Variants in ZNF536 observed in about 807,000 individuals in gnomAD.
The protein encoded by ZNF536 is zinc finger protein 536.
In ZNF536, 13 loss-of-function variants were observed where a neutral mutation model predicts 84.5. The ratio of observed to expected loss-of-function variants is 0.15; its 90% confidence interval spans 0.10 to 0.24. The LOEUF (loss-of-function observed/expected upper bound fraction) is 0.24, where lower values mean the gene tolerates loss of function less well. Ranked by LOEUF, ZNF536 falls within the 10% of genes least tolerant of loss-of-function variation. The pLI, the probability that ZNF536 is intolerant of heterozygous loss-of-function variation, is 1.00. For missense variants in ZNF536, 1,536 were observed against 1,747.5 expected (o/e 0.88, Z 2.16); for synonymous variants, 811 against 742.5 (o/e 1.09, Z -1.50).
intron 1 of ZNF536, among the ~76,000 whole-genome samples, chr19:30,388,732 C>A (rs1466984780): frequency 6.6e-6 from 1 of 152,188 alleles, no homozygotes; most frequent in East Asian, 1.9e-4. Context: ...GAAACAAATG[C>A]TATGATTTTC....
At chr19:30,704,864 AG>A (rs1402312865) in intron 1 of ZNF536, among the ~76,000 whole-genome samples, 1 of 150,370 alleles carries the variant, frequency 6.7e-6, no homozygotes, top group Admixed American at 6.6e-5. Flanking sequence ...TGCCTTCAGG[AG>A]GGTCTCTGCT....
chr19:30,255,358 A>G (rs575425909), intron 1 of ZNF536, among the ~76,000 whole-genome samples: 1 of 152,318 alleles, frequency 6.6e-6, no homozygotes, highest in South Asian at 2.1e-4. Flanking sequence ...CTGATGAGCT[A>G]GGATTTCATG....
intron 1 of ZNF536, among the ~76,000 whole-genome samples, chr19:30,600,538 C>G (rs894571024): frequency 6.6e-6 from 1 of 152,194 alleles, no homozygotes; most frequent in Non-Finnish European, 1.5e-5. Flanking sequence ...CCAGGCACTT[C>G]CTCACATCCA....
At chr19:30,273,502 C>A (rs1323105140) in intron 1 of ZNF536, among the ~76,000 whole-genome samples, 2 of 152,156 alleles carry the variant, frequency 1.3e-5, no homozygotes, top group Non-Finnish European at 2.9e-5. Context: ...TGTTGAGTAT[C>A]TTTTCATATG....
At chr19:30,242,027 T>TA (rs1009255866) in intron 1 of ZNF536, among the ~76,000 whole-genome samples, 2 of 151,950 alleles carry the variant, frequency 1.3e-5, no homozygotes, top group Non-Finnish European at 2.9e-5. Flanking sequence ...AGGGGACATC[T>TA]AGTTGGGGCT....
In ZNF536 at chr19:30,339,986, T is replaced by C. The variant is rs562695842; in HGVS notation, c.-119-12382T>C. 1.3e-5 allele frequency among the ~76,000 whole-genome samples: 2 copies of C among 152,218 alleles called. 1 individual carries two copies. The highest frequency in any genetic ancestry group is 4.1e-4 in the South Asian group (2 of 4,822). On this transcript the variant is annotated intron_variant, in intron 2 of 5. Coordinates refer to the ZNF536 transcript ENST00000585628. The stretch of plus-strand genomic sequence containing the variant: ...CCTCAAGGAGGACCAGTGGGCACTC[T>C]TCATCCTAGGGAAGGCAGGTGGACT...
intron 3 of ZNF536, among the ~76,000 whole-genome samples, chr19:30,366,604 C>A (rs925658269): frequency 1.3e-5 from 2 of 151,930 alleles, no homozygotes; most frequent in African/African-American, 4.8e-5. Context: ...ATCTATCTAT[C>A]TATCTATCTA....
rs936624416 is a variant in ZNF536 at position 30,548,257 on chromosome 19, G to C, written c.2638G>C (p.Val880Leu). The C allele has an allele frequency of 6.2e-7, 1 of 1,614,204 alleles. No homozygotes were observed. The highest frequency in any genetic ancestry group is 2.2e-5 in the East Asian group (1 of 44,886). ...SGQATGMSSE[V>L]PSDALKGTDL... ...GCAGGCCACGGGCATGTCTTCGGAG[G>C]TCCCCTCAGATGCTCTGAAAGGCAC... The change falls in exon 4 of 5, where the codon GTC becomes CTC. Residue 880 changes from valine (V) to leucine (L), a missense_variant. Physicochemically the swap from Val to Leu is conservative, Grantham distance 32 (BLOSUM62 1). Coordinates refer to ENST00000355537, the MANE Select transcript of ZNF536 (RefSeq NM_014717.3).
chr19:30,569,915 G>A (rs945756030), intron 1 of ZNF536, among the ~76,000 whole-genome samples: 3 of 152,070 alleles, frequency 2.0e-5, no homozygotes, highest in Non-Finnish European at 2.9e-5. Context: ...AAATAGCCCC[G>A]GGGGCTGTGG....
intron 1 of ZNF536, among the ~76,000 whole-genome samples, chr19:30,619,887 A>G (rs1044248617): frequency 3.3e-5 from 5 of 152,228 alleles, no homozygotes; most frequent in African/African-American, 1.2e-4. Flanking sequence ...GGCAAGTGAC[A>G]TGAAAGAGTG....
At chr19:30,447,049 C>A (rs2052385279) in intron 2 of ZNF536, among the ~76,000 whole-genome samples, 1 of 152,230 alleles carries the variant, frequency 6.6e-6, no homozygotes, top group South Asian at 2.1e-4. Context: ...TACCCTGTTA[C>A]TAATGGCAAC....
intron 1 of ZNF536, among the ~76,000 whole-genome samples, chr19:30,614,137 A>G (rs2048199268): frequency 1.3e-5 from 2 of 152,228 alleles, no homozygotes; most frequent in Non-Finnish European, 2.9e-5. Context: ...TGCTGGGATT[A>G]CAGACGTGAG....
chr19:30,658,019 C>A (rs1051808696), intron 1 of ZNF536, among the ~76,000 whole-genome samples: 2 of 10,050 alleles, frequency 2.0e-4, no homozygotes, highest in Non-Finnish European at 3.3e-4. Context: ...GCTTTCCATT[C>A]CCCCCCCCCT....
intron 2 of ZNF536, among the ~76,000 whole-genome samples, chr19:30,285,812 A>G (rs1156933379): frequency 6.6e-6 from 1 of 152,226 alleles, no homozygotes. Context: ...TGCTGATAGC[A>G]TGCCTCCACC....
At chr19:30,407,131 A>G (rs1361669654) in intron 1 of ZNF536, among the ~76,000 whole-genome samples, 1 of 152,204 alleles carries the variant, frequency 6.6e-6, no homozygotes, top group East Asian at 1.9e-4. Flanking sequence ...AGCCAGCCCT[A>G]CAACTCCACT....
intron 1 of ZNF536, among the ~76,000 whole-genome samples, chr19:30,692,807 A>G (rs2051467352): frequency 6.6e-6 from 1 of 152,196 alleles, no homozygotes; most frequent in Admixed American, 6.5e-5. Context: ...TCGCACGCCC[A>G]CAGCGCTTAC....
intron 1 of ZNF536, among the ~76,000 whole-genome samples, chr19:30,565,372 T>C (rs2046314067): frequency 6.6e-6 from 1 of 152,150 alleles, no homozygotes; most frequent in Admixed American, 6.5e-5. Flanking sequence ...CTTGGCCTGC[T>C]ACCGGACTTG....
intron 1 of ZNF536, among the ~76,000 whole-genome samples, chr19:30,574,386 C>A (rs2046656113): frequency 1.3e-5 from 2 of 152,252 alleles, no homozygotes; most frequent in African/African-American, 2.4e-5. Context: ...AGAGGTGCAA[C>A]TCCCAAGCCC....
Position 30,534,986 on chromosome 19 carries a change from G to A in ZNF536, c.2310G>A (p.Leu770=), listed in dbSNP as rs777026018. The A allele has an allele frequency of 6.2e-7, 1 of 1,612,242 alleles. No individual in the cohort carries two copies. Among genetic ancestry groups the A allele is most frequent in the Non-Finnish European group, 8.5e-7 (1 of 1,179,094 alleles). ...FRTSHHLKVH[L]RIHTGEKPYK... Reference sequence around the variant, plus strand: ...CATCCCATCACCTTAAGGTGCACCTGAGGATACACACAGGTGAGAAGTCTG... The same window carrying A: ...CATCCCATCACCTTAAGGTGCACCTAAGGATACACACAGGTGAGAAGTCTG... Residue 770 remains leucine (L), a synonymous_variant, in exon 3 of 5, where the codon CTG becomes CTA. Transcript: ENST00000355537.
Sources: allele counts gnomAD v4.1 joint callset (sites outside exome capture counted in the v4.1 genomes callset), GRCh38; gene constraint gnomAD v4.1.1; transcripts MANE v1.5; gene names NCBI Gene and HGNC (gene_info 2026-07-23, HGNC 2026-07-21).